DCC: variants seen among roughly 807,000 people sequenced by gnomAD.
DCC encodes netrin receptor DCC.
A neutral mutation model predicts 172.5 loss-of-function variants in DCC; 58 were observed. The observed-to-expected ratio is 0.34, with a 90% CI of 0.27 to 0.42. The LOEUF (loss-of-function observed/expected upper bound fraction) is 0.42. Among genes scored for constraint, DCC ranks in the 10% least tolerant of loss-of-function variants. DCC has a pLI of 1.00. For missense variants in DCC, 1,740 were observed against 1,791.0 expected (o/e 0.97, Z 0.51); for synonymous variants, 709 against 644.5 (o/e 1.10, Z -1.52).
chr18:52,800,575 C>T (rs965579309), intron 2 of DCC, among the ~76,000 whole-genome samples: 22 of 152,054 alleles, frequency 1.4e-4, no homozygotes, highest in Non-Finnish European at 8.8e-5. Context: ...ATGGTGTTGA[C>T]GGTGAGGTTA....
intron 1 of DCC, among the ~76,000 whole-genome samples, chr18:52,550,966 C>G (rs1400004253): frequency 6.6e-6 from 1 of 151,606 alleles, no homozygotes; most frequent in African/African-American, 2.4e-5. Context: ...AAAATGAATG[C>G]TAATGATAAC....
chr18:52,625,724 A>C (rs570217628), intron 1 of DCC, among the ~76,000 whole-genome samples: 11 of 152,200 alleles, frequency 7.2e-5, no homozygotes, highest in African/African-American at 2.6e-4. Flanking sequence ...CACAGTCTCT[A>C]TTTCTTCATT....
At chr18:52,369,097 G>A in intron 1 of DCC, among the ~76,000 whole-genome samples, 1 of 152,120 alleles carries the variant, frequency 6.6e-6, no homozygotes, top group Admixed American at 6.5e-5. Flanking sequence ...ACGAAAAACC[G>A]GGAAGGAAAT....
chr18:53,359,085 A>G (rs1055142974), intron 15 of DCC, among the ~76,000 whole-genome samples: 1 of 152,286 alleles, frequency 6.6e-6, no homozygotes. Flanking sequence ...AGAGTCAAGG[A>G]AAAGCAAAAG....
chr18:53,260,109 TTTTTTTCAAGG>T (rs1338680169), intron 12 of DCC, among the ~76,000 whole-genome samples: 1 of 152,188 alleles, frequency 6.6e-6, no homozygotes, highest in Non-Finnish European at 1.5e-5. Flanking sequence ...TTTGTCTAAT[TTTTTTTCAAGG>T]TTTTTAACTT....
Position 52,842,136 on chromosome 18 carries a change from G to A in DCC, c.413-63908G>A, listed in dbSNP as rs1431755. On this transcript the variant is annotated intron_variant, in intron 2 of 28. Transcript: ENST00000442544. ...TTATCATTGAATGTGTACAGTAACT[G>A]TTAATGCCTTAAATACCATTGCTTC... is the stretch of plus-strand genomic sequence containing the variant. Among the ~76,000 whole-genome samples, 1,481 of 152,192 alleles carry A rather than the reference G, an allele frequency of 9.7e-3. 29 individuals are homozygous for A. Among genetic ancestry groups the A allele is most frequent in the African/African-American group, 0.033 (1,374 of 41,524 alleles).
intron 1 of DCC, among the ~76,000 whole-genome samples, chr18:52,656,434 C>T (rs1229176892): frequency 6.6e-6 from 1 of 152,066 alleles, no homozygotes; most frequent in Non-Finnish European, 1.5e-5. Context: ...AGCTTCCAAA[C>T]TGTAGGAAAT....
chr18:53,179,103 C>T lies in DCC; in HGVS notation c.1560C>T (p.Ala520=). The change falls in exon 9 of 29, where the codon GCC becomes GCT. Residue 520 remains alanine (A), a synonymous_variant. Coordinates refer to ENST00000442544, the MANE Select transcript of DCC (RefSeq NM_005215.4). ...AGAGTTCTCAACCCATCAAGGTGGC[C>T]ACACAGCCTGAGTGTGAGTATGAAA... ...PGESSQPIKV[A]TQPELQVPGP... is the part of the protein sequence containing the mutation. 6.2e-7 allele frequency: 1 copy of T among 1,613,792 alleles called. No homozygotes were observed. Among genetic ancestry groups the T allele is most frequent in the Non-Finnish European group, 8.5e-7 (1 of 1,179,872 alleles).
chr18:52,797,039 G>T (rs2037889449), intron 2 of DCC, among the ~76,000 whole-genome samples: 1 of 149,624 alleles, frequency 6.7e-6, no homozygotes, highest in Non-Finnish European at 1.5e-5. Flanking sequence ...TGCATTATTA[G>T]AAAAATTATT....
chr18:53,268,453 A>G (rs888245416), intron 12 of DCC, among the ~76,000 whole-genome samples: 6 of 152,106 alleles, frequency 3.9e-5, no homozygotes, highest in Non-Finnish European at 7.4e-5. Context: ...ATTAAGAAAT[A>G]TTTTTTCTTC....
chr18:52,560,288 C>T (rs1431008954), intron 1 of DCC, among the ~76,000 whole-genome samples: 1 of 152,192 alleles, frequency 6.6e-6, no homozygotes, highest in Non-Finnish European at 1.5e-5. Flanking sequence ...TTTATGGACA[C>T]TGAAATCTGG....
In DCC at chr18:53,455,474, C is replaced by T. The variant is rs1478556982; in HGVS notation, c.3393-3758C>T. Among the ~76,000 whole-genome samples the T allele has an allele frequency of 2.6e-5, 4 of 152,154 alleles. No individual in the cohort carries two copies. In the South Asian group the frequency reaches 6.2e-4, roughly 24 times the overall value. ...TTAAAAGTGAAAAGGAAAAAAAACTCCCCTTACAGTAATAGGTTATGCATA... is the reference window on the plus strand; with the variant it reads ...TTAAAAGTGAAAAGGAAAAAAAACTTCCCTTACAGTAATAGGTTATGCATA... On this transcript the variant is annotated intron_variant, in intron 23 of 28. Transcript: ENST00000442544.
chr18:52,371,464 A>G (rs1397109829), intron 1 of DCC, among the ~76,000 whole-genome samples: 1 of 152,022 alleles, frequency 6.6e-6, no homozygotes, highest in Non-Finnish European at 1.5e-5. Flanking sequence ...GTAATACTCT[A>G]ATTTTTTAGA....
chr18:53,237,152 G>A (rs1347261139), intron 12 of DCC: 1 of 153,262 alleles, frequency 6.5e-6, no homozygotes, highest in Non-Finnish European at 1.5e-5. Flanking sequence ...TATGTATGAT[G>A]AGATCATTAT....
At chr18:52,801,825 A>G (rs1209140627) in intron 2 of DCC, among the ~76,000 whole-genome samples, 2 of 152,152 alleles carry the variant, frequency 1.3e-5, no homozygotes, top group Non-Finnish European at 2.9e-5. Flanking sequence ...TAGCACATGT[A>G]TCTCTGTCAC....
At chr18:52,811,245 C>G (rs2038192565) in intron 2 of DCC, among the ~76,000 whole-genome samples, 1 of 152,104 alleles carries the variant, frequency 6.6e-6, no homozygotes, top group South Asian at 2.1e-4. Flanking sequence ...ATAAAAATGA[C>G]CTATGAATAT....
intron 15 of DCC, among the ~76,000 whole-genome samples, chr18:53,362,857 A>T (rs183709679): frequency 1.1e-3 from 174 of 152,292 alleles, no homozygotes; most frequent in African/African-American, 3.9e-3. Context: ...CCTAGGAAAC[A>T]CACTTAATAC....
In DCC at chr18:52,752,335, G is replaced by C. The variant is rs137945174; in HGVS notation, c.373G>C (p.Gly125Arg). The change falls in exon 2 of 29, where the codon GGC (glycine) becomes CGC (arginine). Residue 125 changes from glycine to arginine, a missense_variant. Gly to Arg is a moderately radical substitution (Grantham distance 125). Coordinates refer to ENST00000442544, the MANE Select transcript of DCC (RefSeq NM_005215.4). The stretch of plus-strand genomic sequence containing the variant: ...ATGTGAGGCATCTTTAGGAGATTCT[G>C]GCTCAATTATTAGTCGGACAGCAAA... ...YQCEASLGDS[G>R]SIISRTAKVA... 22 of 1,614,050 alleles carry C rather than the reference G, an allele frequency of 1.4e-5. No individual in the cohort carries two copies. In the African/African-American group the frequency reaches 2.7e-4, roughly 20 times the overall value.
chr18:53,503,811 C>A (rs1276788145), intron 27 of DCC, among the ~76,000 whole-genome samples: 1 of 152,174 alleles, frequency 6.6e-6, no homozygotes, highest in Non-Finnish European at 1.5e-5. Context: ...GGACCTCTTG[C>A]AACTTTGTAA....
Sources: gnomAD v4.1 joint callset for allele counts (sites outside exome capture counted in the v4.1 genomes callset) on GRCh38, gnomAD v4.1.1 for gene constraint, MANE v1.5 for transcripts, NCBI Gene and HGNC (gene_info 2026-07-23, HGNC 2026-07-21) for gene names.